The following THADA variants were observed in gnomAD, a reference collection of about 807,000 sequenced individuals.
THADA encodes tRNA (32-2'-O)-methyltransferase regulator THADA.
In THADA, 213 loss-of-function variants were observed where a neutral mutation model predicts 219.8. The ratio of observed to expected loss-of-function variants is 0.97; its 90% CI spans 0.87 to 1.09. The LOEUF (loss-of-function observed/expected upper bound fraction) is 1.09. Among genes scored for constraint, THADA ranks in the 50% least tolerant of loss-of-function variants. The pLI is 0.00. For synonymous variants in THADA, 1,018 were observed against 828.9 expected, an observed-to-expected ratio of 1.23 and a Z score of -3.92; for missense variants, 2,956 against 2,311.3, an observed-to-expected ratio of 1.28 and a Z score of -5.72.
intron 31 of THADA, among the ~76,000 whole-genome samples, chr2:43,307,228 T>A (rs1676966757): frequency 6.6e-6 from 1 of 152,184 alleles, no homozygotes; most frequent in Non-Finnish European, 1.5e-5. Flanking sequence ...TAAGCCCCAG[T>A]ACAGAGAGGA....
intron 21 of THADA, among the ~76,000 whole-genome samples, chr2:43,534,335 C>T (rs1694277715): frequency 6.6e-6 from 1 of 152,160 alleles, no homozygotes. Flanking sequence ...GAACATTCAA[C>T]ATCCTGCTTC....
At chr2:43,336,190 T>C (rs907672523) in intron 30 of THADA, among the ~76,000 whole-genome samples, 5 of 152,086 alleles carry the variant, frequency 3.3e-5, no homozygotes, top group African/African-American at 4.8e-5. Flanking sequence ...GCCCAGGAGT[T>C]CAAGGCTGCA....
At chr2:43,325,674 G>T (rs1177686730) in intron 30 of THADA, among the ~76,000 whole-genome samples, 1 of 152,086 alleles carries the variant, frequency 6.6e-6, no homozygotes, top group African/African-American at 2.4e-5. Context: ...GTGTATCAAA[G>T]TAGTGTAGTA....
intron 26 of THADA, among the ~76,000 whole-genome samples, chr2:43,446,241 T>C (rs530284125): frequency 6.6e-6 from 1 of 152,362 alleles, no homozygotes; most frequent in East Asian, 1.9e-4. Flanking sequence ...ATAGACTTTT[T>C]CCAAAGATGG....
intron 36 of THADA, among the ~76,000 whole-genome samples, chr2:43,244,250 T>C (rs1668907046): frequency 6.6e-6 from 1 of 152,204 alleles, no homozygotes; most frequent in South Asian, 2.1e-4. Flanking sequence ...AAGGGACTGA[T>C]AAATTATAGC....
chr2:43,368,439 C>G (rs752816200), intron 29 of THADA, among the ~76,000 whole-genome samples: 1 of 152,114 alleles, frequency 6.6e-6, no homozygotes, highest in Non-Finnish European at 1.5e-5. Context: ...CTCTGTCGCC[C>G]GGGCTGGAGT....
chr2:43,255,233 T>A (rs1257715444), intron 36 of THADA, among the ~76,000 whole-genome samples: 2 of 152,202 alleles, frequency 1.3e-5, no homozygotes, highest in Admixed American at 6.5e-5. Flanking sequence ...TGCGGGTTAT[T>A]TTATATACAC....
intron 14 of THADA, among the ~76,000 whole-genome samples, chr2:43,567,880 T>C (rs1426786235): frequency 2.6e-5 from 4 of 152,220 alleles, no homozygotes; most frequent in Non-Finnish European, 5.9e-5. Flanking sequence ...AGCTATCCAT[T>C]TTCAACTTGA....
At chr2:43,491,217 A>G (rs1280550517) in intron 25 of THADA, among the ~76,000 whole-genome samples, 2 of 152,224 alleles carry the variant, frequency 1.3e-5, no homozygotes, top group African/African-American at 4.8e-5. Flanking sequence ...AACAAACTAC[A>G]TTATCAACTC....
At chr2:43,424,931 T>C (rs896141789) in intron 28 of THADA, among the ~76,000 whole-genome samples, 3 of 152,172 alleles carry the variant, frequency 2.0e-5, no homozygotes, top group Admixed American at 6.5e-5. Context: ...GATCCCACCA[T>C]TGGTAGAGAC....
At chr2:43,360,355 T>A (rs1222153752) in intron 29 of THADA, among the ~76,000 whole-genome samples, 1 of 152,206 alleles carries the variant, frequency 6.6e-6, no homozygotes, top group Non-Finnish European at 1.5e-5. Context: ...AAACAGTACT[T>A]GTAAGGCAAC....
chr2:43,366,964 T>C (rs1464118877), intron 29 of THADA, among the ~76,000 whole-genome samples: 1 of 152,052 alleles, frequency 6.6e-6, no homozygotes. Flanking sequence ...GACAGAAGAA[T>C]AAACAAAATA....
At chr2:43,312,225 G>C (rs185318529) in intron 31 of THADA, among the ~76,000 whole-genome samples, 2 of 136,660 alleles carry the variant, frequency 1.5e-5, no homozygotes, top group African/African-American at 5.6e-5. Context: ...AAAAAAAAAA[G>C]AAATCACAGA....
chr2:43,357,748 G>A (rs985294276), intron 29 of THADA, among the ~76,000 whole-genome samples: 3 of 152,150 alleles, frequency 2.0e-5, no homozygotes, highest in African/African-American at 7.2e-5. Flanking sequence ...AGATCTCCAA[G>A]TCATACTGTA....
intron 26 of THADA, among the ~76,000 whole-genome samples, chr2:43,468,662 A>G (rs956212071): frequency 2.0e-5 from 3 of 152,244 alleles, no homozygotes; most frequent in African/African-American, 4.8e-5. Flanking sequence ...AAAATTTAAA[A>G]TACAATCCCC....
intron 25 of THADA, among the ~76,000 whole-genome samples, chr2:43,493,279 G>A (rs1278485163): frequency 2.0e-5 from 3 of 152,148 alleles, no homozygotes; most frequent in Admixed American, 2.0e-4. Context: ...GGTGGATCAC[G>A]AGGTCAAGAG....
chr2:43,418,284 T>C (rs182834973), intron 28 of THADA, among the ~76,000 whole-genome samples: 1 of 152,312 alleles, frequency 6.6e-6, no homozygotes, highest in East Asian at 1.9e-4. Flanking sequence ...TACCTCAAAC[T>C]GATGATAATC....
intron 26 of THADA, among the ~76,000 whole-genome samples, chr2:43,434,962 G>A (rs1175726268): frequency 1.3e-5 from 2 of 152,146 alleles, no homozygotes; most frequent in Admixed American, 6.5e-5. Context: ...GCTGTGGAGT[G>A]GGAGCCCCAC....
intron 28 of THADA, among the ~76,000 whole-genome samples, chr2:43,410,188 G>T (rs746403592): frequency 6.6e-6 from 1 of 152,100 alleles, no homozygotes; most frequent in Non-Finnish European, 1.5e-5. Flanking sequence ...TAAAACCCCA[G>T]TGAAATACTA....
Sources: allele counts gnomAD v4.1 joint callset (sites outside exome capture counted in the v4.1 genomes callset), GRCh38; gene constraint gnomAD v4.1.1; transcripts MANE v1.5; gene names NCBI Gene and HGNC (gene_info 2026-07-23, HGNC 2026-07-21).